The following DCLK2 variants were observed in gnomAD, a reference collection of about 807,000 sequenced individuals.
The protein encoded by DCLK2 is doublecortin like kinase 2.
Under a neutral mutation model 78.4 loss-of-function variants are expected in DCLK2, and 31 were observed. The ratio of observed to expected loss-of-function variants is 0.40; its 90% CI spans 0.30 to 0.53. The LOEUF is 0.53. DCLK2 is among the 20% of genes least tolerant of loss of function. DCLK2 has a pLI of 0.61. For missense variants in DCLK2, 872 were observed against 973.7 expected (o/e 0.90, Z 1.39); for synonymous variants, 407 against 374.9 (o/e 1.09, Z -0.99).
intron 10 of DCLK2, among the ~76,000 whole-genome samples, chr4:150,233,653 G>A (rs1742249256): frequency 1.3e-5 from 2 of 151,992 alleles, no homozygotes; most frequent in Admixed American, 6.5e-5. Context: ...TTTCTTAGAA[G>A]TCTCTTTTAT....
intron 15 of DCLK2, among the ~76,000 whole-genome samples, chr4:150,250,036 C>G (rs765095897): frequency 2.6e-4 from 40 of 152,144 alleles, no homozygotes; most frequent in African/African-American, 8.2e-4. Context: ...CCCTGCCTAC[C>G]CCAAGGCCTC....
chr4:150,118,839 A>G (rs969932078), intron 2 of DCLK2, among the ~76,000 whole-genome samples: 2 of 152,056 alleles, frequency 1.3e-5, no homozygotes, highest in Non-Finnish European at 2.9e-5. Flanking sequence ...CAGCCTGGCC[A>G]ACATGGGAAC....
intron 2 of DCLK2, among the ~76,000 whole-genome samples, chr4:150,120,159 T>C (rs2150180959): frequency 6.6e-6 from 1 of 152,360 alleles, no homozygotes; most frequent in Middle Eastern, 3.4e-3. Context: ...GTCAGTATAG[T>C]ATTTTAGGAT....
At chr4:150,252,515 C>T (rs1256674642) in intron 15 of DCLK2, among the ~76,000 whole-genome samples, 1 of 152,210 alleles carries the variant, frequency 6.6e-6, no homozygotes, top group Non-Finnish European at 1.5e-5. Context: ...TGTGCCCGGC[C>T]TCTTTATGGC....
chr4:150,116,320 C>G lies in DCLK2; in HGVS notation c.756+13508C>G, dbSNP rs191735181. Among the ~76,000 whole-genome samples the G allele has an allele frequency of 1.7e-3, 258 of 152,308 alleles. 2 individuals carry two copies. The highest frequency in any genetic ancestry group is 5.6e-3 in the African/African-American group (231 of 41,566). On this transcript the variant is annotated intron_variant, in intron 2 of 15. Transcript: ENST00000296550. ...GCACTCCCTTCTCCAAGATCCTTCA[C>G]AAGCACCAGGGCTTCCTGGCTGTTG...
chr4:150,103,784 T>G (rs751245804), intron 2 of DCLK2, among the ~76,000 whole-genome samples: 3 of 152,150 alleles, frequency 2.0e-5, no homozygotes, highest in Non-Finnish European at 4.4e-5. Context: ...GCTGAAACAT[T>G]AGCAATTTTT....
chr4:150,171,869 T>G (rs1312209071), intron 2 of DCLK2, among the ~76,000 whole-genome samples: 2 of 152,254 alleles, frequency 1.3e-5, no homozygotes, highest in Admixed American at 6.5e-5. Flanking sequence ...CCACTTCTTT[T>G]CTAAGGAAGC....
At chr4:150,222,687 A>C (rs1741275843) in intron 7 of DCLK2, among the ~76,000 whole-genome samples, 1 of 151,778 alleles carries the variant, frequency 6.6e-6, no homozygotes, top group Non-Finnish European at 1.5e-5. Context: ...CTCTACAAAA[A>C]ACAAGACAAA....
At chr4:150,113,239 A>C (rs1374167820) in intron 2 of DCLK2, among the ~76,000 whole-genome samples, 2 of 152,122 alleles carry the variant, frequency 1.3e-5, no homozygotes, top group Non-Finnish European at 2.9e-5. Context: ...TTTGGGTATC[A>C]GGCTAGTACT....
At chr4:150,217,463 G>A (rs778057558) in intron 5 of DCLK2, among the ~76,000 whole-genome samples, 3 of 152,192 alleles carry the variant, frequency 2.0e-5, no homozygotes, top group Non-Finnish European at 4.4e-5. Flanking sequence ...GCTCAGATTT[G>A]TGCTGTAGCA....
chr4:150,156,393 T>C (rs1735269965), intron 2 of DCLK2, among the ~76,000 whole-genome samples: 2 of 151,928 alleles, frequency 1.3e-5, no homozygotes, highest in Admixed American at 6.6e-5. Flanking sequence ...ACGCCTATAA[T>C]CTTAGCACTT....
intron 5 of DCLK2, among the ~76,000 whole-genome samples, chr4:150,212,460 A>G (rs999894423): frequency 6.6e-6 from 1 of 152,190 alleles, no homozygotes; most frequent in African/African-American, 2.4e-5. Context: ...TTTCTTTTGT[A>G]ATTAAGACTA....
At chr4:150,106,347 C>A (rs1731250787) in intron 2 of DCLK2, among the ~76,000 whole-genome samples, 1 of 152,014 alleles carries the variant, frequency 6.6e-6, no homozygotes, top group African/African-American at 2.4e-5. Flanking sequence ...AAAAAAATTT[C>A]TATGGGTATG....
At chr4:150,235,710 G>A (rs1742449026) in intron 10 of DCLK2, among the ~76,000 whole-genome samples, 1 of 152,200 alleles carries the variant, frequency 6.6e-6, no homozygotes, top group South Asian at 2.1e-4. Context: ...TCAGCAGGTT[G>A]GTATTGGCCT....
rs200758050 is a variant in DCLK2 at position 150,198,032 on chromosome 4, G to C, written c.890G>C (p.Arg297Pro). 6.2e-6 allele frequency: 10 copies of C among 1,613,464 alleles called. No individual in the cohort carries two copies. Among genetic ancestry groups the C allele is most frequent in the East Asian group, 4.5e-5 (2 of 44,854 alleles). Reference sequence around the variant, plus strand: ...CGTGTCCTGAAGTCATCTTATTCTCGATCCTCAGCTGTTAAGTATTCTGGA... The same window carrying C: ...CGTGTCCTGAAGTCATCTTATTCTCCATCCTCAGCTGTTAAGTATTCTGGA... ...ECRVLKSSYS[R>P]SSAVKYSGSK... is the part of the protein sequence containing the mutation. Residue 297 changes from arginine (R) to proline (P), a missense_variant, in exon 4 of 16, where the codon CGA becomes CCA. Arg to Pro is a moderately radical substitution (Grantham distance 103). Coordinates refer to ENST00000296550, the MANE Select transcript of DCLK2 (RefSeq NM_001040260.4).
At chr4:150,143,209 T>C (rs1214571973) in intron 2 of DCLK2, among the ~76,000 whole-genome samples, 1 of 152,190 alleles carries the variant, frequency 6.6e-6, no homozygotes, top group Admixed American at 6.5e-5. Flanking sequence ...TTCAATTCCA[T>C]AGTGTGCGTA....
intron 1 of DCLK2, among the ~76,000 whole-genome samples, chr4:150,085,588 C>A (rs1384771760): frequency 6.6e-6 from 1 of 152,106 alleles, no homozygotes; most frequent in African/African-American, 2.4e-5. Flanking sequence ...ATTTCCAACA[C>A]CTGAAGCTTG....
intron 2 of DCLK2, among the ~76,000 whole-genome samples, chr4:150,188,896 C>G (rs2126337238): frequency 9.1e-6 from 1 of 109,682 alleles, no homozygotes; most frequent in East Asian, 2.6e-4. Context: ...CAGAGCGAGA[C>G]TCTGTCTCAA....
intron 2 of DCLK2, among the ~76,000 whole-genome samples, chr4:150,126,857 A>G (rs567780359): frequency 3.4e-4 from 52 of 152,166 alleles, no homozygotes; most frequent in Non-Finnish European, 6.8e-4. Flanking sequence ...CCAATCCAGG[A>G]TCCCACATGG....
Sources: gnomAD v4.1 joint callset for allele counts (sites outside exome capture counted in the v4.1 genomes callset) on GRCh38, gnomAD v4.1.1 for gene constraint, MANE v1.5 for transcripts, NCBI Gene and HGNC (gene_info 2026-07-23, HGNC 2026-07-21) for gene names.